Variants in CACNA1D observed in about 807,000 individuals in gnomAD.
CACNA1D encodes the protein calcium voltage-gated channel subunit alpha1 D, also known as voltage-dependent L-type calcium channel subunit alpha-1D.
In CACNA1D, 55 loss-of-function variants were observed where a neutral mutation model predicts 257.1. The observed-to-expected ratio is 0.21, with a 90% CI of 0.17 to 0.27. The LOEUF (loss-of-function observed/expected upper bound fraction) is 0.27. CACNA1D is among the 10% of genes least tolerant of loss of function. The pLI is 1.00. For synonymous variants in CACNA1D, 980 were observed against 1,014.9 expected (o/e 0.97, Z 0.65); for missense variants, 1,876 against 2,784.0 (o/e 0.67, Z 7.34).
intron 5 of CACNA1D, among the ~76,000 whole-genome samples, chr3:53,661,502 G>T (rs2094203446): frequency 6.6e-6 from 1 of 152,202 alleles, no homozygotes. Flanking sequence ...GAAATGACTG[G>T]CTCTGTTAAG....
At chr3:53,787,441 GTGTGTGTGTGTGTA>G (rs985271879) in intron 40 of CACNA1D, among the ~76,000 whole-genome samples, 7 of 151,554 alleles carry the variant, frequency 4.6e-5, no homozygotes, top group African/African-American at 9.7e-5. Context: ...GTGTGTGTGT[GTGTGTGTGTGTGTA>G]TGTATGTATG....
At chr3:53,499,458 C>A (rs1454534670) in intron 2 of CACNA1D, among the ~76,000 whole-genome samples, 1 of 152,046 alleles carries the variant, frequency 6.6e-6, no homozygotes, top group African/African-American at 2.4e-5. Flanking sequence ...TACAGACAGG[C>A]ATGACAGAGT....
In CACNA1D at chr3:53,572,374, G is replaced by GTTTATTTA. The variant is rs200926153; in HGVS notation, c.483+70684_483+70691dup. ...CTGCCTCTGGTTTGTTTGTTTGTTT[G>GTTTATTTA]TTTATTTATTTATTTATTTATTTAT... On this transcript the variant is annotated intron_variant, in intron 3 of 47. Transcript: ENST00000350061. Among the ~76,000 whole-genome samples, 326 of 141,628 alleles carry GTTTATTTA rather than the reference G, an allele frequency of 2.3e-3. 1 individual carries two copies. The highest frequency in any genetic ancestry group is 8.0e-3 in the African/African-American group (290 of 36,188). The allele number at this position is 141,628 out of a possible 152,430, so 92.9% of individuals were successfully genotyped here. A position where few individuals can be genotyped will look rare whatever the true frequency, so the allele number is the denominator to read the frequency against.
chr3:53,690,583 G>A (rs1330264541), intron 8 of CACNA1D, among the ~76,000 whole-genome samples: 1 of 152,166 alleles, frequency 6.6e-6, no homozygotes, highest in Non-Finnish European at 1.5e-5. Context: ...CTTTCAGTGG[G>A]CACTCCCCCT....
chr3:53,803,445 C>T lies in CACNA1D; in HGVS notation c.5458C>T (p.Leu1820Phe), dbSNP rs1466555774. The stretch of plus-strand genomic sequence containing the variant: ...CAGGTCCGACTCAGGAGATGAACAG[C>T]TCCCAACTATTTGCCGGGAAGACCC... ...YIRSDSGDEQ[L>F]PTICREDPEI... Residue 1820 changes from leucine to phenylalanine, a missense_variant, in exon 44 of 48, where the codon CTC becomes TTC. Physicochemically the swap from Leu to Phe is conservative, Grantham distance 22. Transcript: ENST00000350061. 1 of 1,614,142 alleles carries T rather than the reference C, an allele frequency of 6.2e-7. No homozygotes were observed.
intron 3 of CACNA1D, among the ~76,000 whole-genome samples, chr3:53,638,723 G>A (rs1275650020): frequency 6.6e-6 from 1 of 152,220 alleles, no homozygotes; most frequent in Non-Finnish European, 1.5e-5. Flanking sequence ...CAGAACCTGA[G>A]CCCACTGTCC....
At chr3:53,610,442 T>C (rs1382753365) in intron 3 of CACNA1D, among the ~76,000 whole-genome samples, 2 of 152,190 alleles carry the variant, frequency 1.3e-5, no homozygotes, top group Admixed American at 6.5e-5. Flanking sequence ...ACATTTAGGG[T>C]TGTTATGTTT....
In CACNA1D at chr3:53,793,307, T is replaced by C. The variant is rs2095492920; in HGVS notation, c.4923+6355T>C. ...TTATAAGAATTTATGAAGAATGTGA[T>C]GTATCGTCCCTGAAAGGGAAGCCCG... On this transcript the variant is annotated intron_variant, in intron 40 of 47. Coordinates refer to ENST00000350061, the MANE Select transcript of CACNA1D (RefSeq NM_001128840.3). This position sits in a 1 kb window ranked among gnomAD's most constrained non-coding sequence, Gnocchi z 4.1. 6.6e-6 allele frequency among the ~76,000 whole-genome samples: 1 copy of C among 152,182 alleles called. No individual in the cohort carries two copies. Among genetic ancestry groups the C allele is most frequent in the South Asian group, 2.1e-4 (1 of 4,826 alleles).
At chr3:53,633,669 C>A (rs1480986918) in intron 3 of CACNA1D, among the ~76,000 whole-genome samples, 3 of 152,178 alleles carry the variant, frequency 2.0e-5, no homozygotes, top group African/African-American at 7.2e-5. Context: ...AAGTTAATAG[C>A]AAACTAGTAT....
chr3:53,558,330 A>G (rs1170070765), intron 3 of CACNA1D, among the ~76,000 whole-genome samples: 1 of 152,118 alleles, frequency 6.6e-6, no homozygotes, highest in African/African-American at 2.4e-5. Flanking sequence ...GATTGATGTG[A>G]ATTCTTTTTT....
At chr3:53,687,392 T>G (rs1449831688) in intron 8 of CACNA1D, among the ~76,000 whole-genome samples, 1 of 152,126 alleles carries the variant, frequency 6.6e-6, no homozygotes, top group African/African-American at 2.4e-5. Context: ...AATACAATGT[T>G]TGACATAAAG....
At position 53,809,990 on chromosome 3, in the gene CACNA1D, G is replaced by C; in HGVS notation, c.5884G>C (p.Ala1962Pro). 6.2e-7 allele frequency: 1 copy of C among 1,614,020 alleles called. No individual in the cohort carries two copies. Among genetic ancestry groups the C allele is most frequent in the Non-Finnish European group, 8.5e-7 (1 of 1,180,014 alleles). ...HLMQQQIMAVAGLDSSKAQKY... is the reference protein window; with the variant it reads ...HLMQQQIMAVPGLDSSKAQKY... ...CCTCTTTCCTCAGATCATGGCAGTT[G>C]CCGGCCTAGATTCAAGTAAAGCCCA... is the stretch of plus-strand genomic sequence containing the variant. Residue 1962 changes from alanine (A) to proline (P), a missense_variant, in exon 47 of 48, where the codon GCC becomes CCC. Transcript: ENST00000350061.
intron 3 of CACNA1D, among the ~76,000 whole-genome samples, chr3:53,616,296 A>T (rs1291757115): frequency 6.6e-6 from 1 of 152,186 alleles, no homozygotes; most frequent in African/African-American, 2.4e-5. Flanking sequence ...TCATATCATC[A>T]TGTCTCTGTT....
chr3:53,684,704 T>G (rs1258204264), intron 8 of CACNA1D, among the ~76,000 whole-genome samples: 1 of 148,554 alleles, frequency 6.7e-6, no homozygotes, highest in African/African-American at 2.5e-5. Context: ...TTCTAAAAGA[T>G]AATTTAAAGT....
intron 8 of CACNA1D, among the ~76,000 whole-genome samples, chr3:53,689,437 AC>A (rs2094500694): frequency 6.7e-6 from 1 of 149,946 alleles, no homozygotes; most frequent in Admixed American, 6.6e-5. Context: ...TAAAGCTGCC[AC>A]CTCCCAGAGT....
At chr3:53,624,968 G>C (rs3774482) in intron 3 of CACNA1D, among the ~76,000 whole-genome samples, 24,574 of 152,124 alleles carry the variant, frequency 0.16, 2,654 homozygotes, top group African/African-American at 0.31. Flanking sequence ...TTGATAAAGG[G>C]TTGGAGAGGG....
At chr3:53,547,329 C>T (rs1456903343) in intron 3 of CACNA1D, among the ~76,000 whole-genome samples, 3 of 152,128 alleles carry the variant, frequency 2.0e-5, no homozygotes, top group African/African-American at 7.2e-5. Context: ...ATGCTGCTAA[C>T]GAGGGCAACA....
At chr3:53,749,021 CTT>C (rs1360338297) in intron 26 of CACNA1D, 1 of 633,204 alleles carries the variant, frequency 1.6e-6, no homozygotes, top group Non-Finnish European at 2.9e-6. Context: ...TTTGTGAAAT[CTT>C]TTGATTTTCA....
intron 5 of CACNA1D, among the ~76,000 whole-genome samples, chr3:53,663,359 A>G: frequency 7.0e-6 from 1 of 142,616 alleles, no homozygotes; most frequent in African/African-American, 3.0e-5. Context: ...ACAGGGAAGG[A>G]CAGGGAAGGA....
Sources: gnomAD v4.1 joint callset for allele counts (sites outside exome capture counted in the v4.1 genomes callset) on GRCh38, gnomAD v4.1.1 for gene constraint, Gnocchi (gnomAD v3.1) non-coding constraint, MANE v1.5 for transcripts, NCBI Gene and HGNC (gene_info 2026-07-23, HGNC 2026-07-21) for gene names.